The following ENTPD3 variants were observed in gnomAD, a reference collection of about 807,000 sequenced individuals.
ENTPD3 encodes the protein ectonucleoside triphosphate diphosphohydrolase 3, also known as CD39 antigen-like 3.
In ENTPD3, 60 loss-of-function variants were observed where a neutral mutation model predicts 51.2. The ratio of observed to expected loss-of-function variants is 1.17; its 90% CI spans 0.95 to 1.45. The LOEUF (loss-of-function observed/expected upper bound fraction) is 1.45. ENTPD3 is among the 40% of genes most tolerant of loss of function. The pLI is 0.00. For missense variants in ENTPD3, 593 were observed against 641.1 expected (o/e 0.93, Z 0.81); for synonymous variants, 221 against 238.4 (o/e 0.93, Z 0.67).
chr3:40,402,221 C>T (rs568881763), intron 4 of ENTPD3, among the ~76,000 whole-genome samples: 4 of 140,142 alleles, frequency 2.9e-5, no homozygotes, highest in South Asian at 2.4e-4. Flanking sequence ...TGGGTTCAAG[C>T]GATTCTCCTG....
chr3:40,399,093 A>C (rs1455073424), intron 3 of ENTPD3, among the ~76,000 whole-genome samples: 1 of 152,104 alleles, frequency 6.6e-6, no homozygotes, highest in East Asian at 1.9e-4. Context: ...GTGATGGTGC[A>C]CACCTGTAAT....
intron 9 of ENTPD3, 108 bp from the exon 10 acceptor site, chr3:40,423,718 T>C: frequency 7.9e-7 from 1 of 1,271,152 alleles, no homozygotes; most frequent in Non-Finnish European, 1.1e-6. Context: ...TATTTTCTAT[T>C]ATGAAATTAT....
chr3:40,409,609 G>A (rs937161798), intron 4 of ENTPD3, among the ~76,000 whole-genome samples: 1 of 152,166 alleles, frequency 6.6e-6, no homozygotes, highest in African/African-American at 2.4e-5. Context: ...GAAGATGGGT[G>A]GGAAAGGTTA....
In ENTPD3 at chr3:40,414,713, T is replaced by G. The variant is rs764552323; in HGVS notation, c.470T>G (p.Leu157Arg). Residue 157 changes from leucine to arginine, a missense_variant, in exon 6 of 11, where the codon CTT becomes CGT. By Grantham distance (102) the Leu-to-Arg change is moderately radical. Coordinates refer to ENST00000301825, the MANE Select transcript of ENTPD3 (RefSeq NM_001248.4). Reference protein sequence around the residue: ...LQNETAANEVLESIQSYFKSQ... With the variant: ...LQNETAANEVRESIQSYFKSQ... Reference sequence around the variant, plus strand: ...AATGAAACAGCAGCTAATGAAGTCCTTGAAAGCATCCAAAGCTACTTCAAG... The same window carrying G: ...AATGAAACAGCAGCTAATGAAGTCCGTGAAAGCATCCAAAGCTACTTCAAG... The G allele has an allele frequency of 2.5e-6, 4 of 1,614,114 alleles. No individual in the cohort carries two copies. The South Asian group carries it at 4.4e-5, about 18-fold the overall frequency.
Position 40,411,962 on chromosome 3 carries a change from G to C in ENTPD3, c.437G>C (p.Arg146Thr), listed in dbSNP as rs1441710119. Residue 146 changes from arginine to threonine, a missense_variant and splice_region_variant, in exon 5 of 11, where the codon AGG becomes ACG. Arg to Thr is a moderately conservative substitution (Grantham distance 71, BLOSUM62 -1). Coordinates refer to ENST00000301825, the MANE Select transcript of ENTPD3 (RefSeq NM_001248.4). ...LGATAGMRLL[R>T]LQNETAANEV... ...GCCACGGCTGGGATGCGCTTGCTGA[G>C]GTAAAGGCTAAGTGGCACAAAGGAG... The C allele has an allele frequency of 4.4e-6, 7 of 1,608,850 alleles. No homozygotes were observed. The highest frequency in any genetic ancestry group is 1.3e-5 in the African/African-American group (1 of 74,900).
At chr3:40,407,692 C>T (rs1955535614) in intron 4 of ENTPD3, among the ~76,000 whole-genome samples, 1 of 152,116 alleles carries the variant, frequency 6.6e-6, no homozygotes, top group Non-Finnish European at 1.5e-5. Flanking sequence ...GCCTTACACA[C>T]TCCAGTACTG....
In ENTPD3 at chr3:40,427,573, G is replaced by A; in HGVS notation, c.*65G>A. 8.0e-7 allele frequency: 1 copy of A among 1,247,796 alleles called. No homozygotes were observed. Among genetic ancestry groups the A allele is most frequent in the Non-Finnish European group, 1.2e-6 (1 of 853,242 alleles). 77.3% of individuals were successfully genotyped at this position (1,247,796 alleles called of 1,614,324 possible). A position where few individuals can be genotyped will look rare whatever the true frequency, so the allele number is the denominator to read the frequency against. ...GTCAGCCTGGGTGGCACCAGGCAAT[G>A]CAGGTGAAGTGGCTGCCTTCAGGAA... On this transcript the variant is annotated 3_prime_UTR_variant, in exon 11 of 11. Transcript: ENST00000301825.
rs1486185566 is a variant in ENTPD3 at position 40,428,501 on chromosome 3, C to T, written c.*993C>T. 6.6e-6 allele frequency: 1 copy of T among 152,136 alleles called. No homozygotes were observed. Among genetic ancestry groups the T allele is most frequent in the Non-Finnish European group, 1.5e-5 (1 of 68,036 alleles). The allele number at this position is 152,136 out of a possible 1,614,324, so 9.4% of individuals were successfully genotyped here. A position where few individuals can be genotyped will look rare whatever the true frequency, so the allele number is the denominator to read the frequency against. On this transcript the variant is annotated 3_prime_UTR_variant, in exon 11 of 11. Coordinates refer to ENST00000301825, the MANE Select transcript of ENTPD3 (RefSeq NM_001248.4). ...AAGGAAGCTGCAGGAATATTTATCT[C>T]CAAAGTCGAATGAGAAAGAACTCCA...
In ENTPD3 at chr3:40,414,701, C is replaced by A; in HGVS notation, c.458C>A (p.Ala153Asp). ...RLLRLQNETA[A>D]NEVLESIQSY... ...TACAGGTTGCAAAATGAAACAGCAG[C>A]TAATGAAGTCCTTGAAAGCATCCAA... Residue 153 changes from alanine to aspartate, a missense_variant, in exon 6 of 11, where the codon GCT (alanine) becomes GAT (aspartate). Transcript: ENST00000301825. 1 of 1,614,048 alleles carries A rather than the reference C, an allele frequency of 6.2e-7. No homozygotes were observed. Among genetic ancestry groups the A allele is most frequent in the Non-Finnish European group, 8.5e-7 (1 of 1,179,956 alleles).
chr3:40,416,712 G>T (rs1575228210), intron 7 of ENTPD3, among the ~76,000 whole-genome samples: 1 of 152,166 alleles, frequency 6.6e-6, no homozygotes, highest in East Asian at 1.9e-4. Flanking sequence ...TAACTCCACA[G>T]GTGAGACCCC....
intron 7 of ENTPD3, among the ~76,000 whole-genome samples, chr3:40,420,306 G>A (rs1447917137): frequency 6.7e-6 from 1 of 148,574 alleles, no homozygotes; most frequent in South Asian, 2.1e-4. Context: ...TGTGATCTTG[G>A]CTCACTGCAA....
chr3:40,425,806 G>A (rs1955969227), intron 10 of ENTPD3, among the ~76,000 whole-genome samples: 1 of 151,556 alleles, frequency 6.6e-6, no homozygotes, highest in Admixed American at 6.6e-5. Flanking sequence ...GCTGAGGCAG[G>A]AGAATTGCTT....
chr3:40,399,213 C>A (rs551907895), intron 3 of ENTPD3, among the ~76,000 whole-genome samples: 88 of 152,050 alleles, frequency 5.8e-4, no homozygotes, highest in African/African-American at 2.0e-3. Flanking sequence ...ATGTATATAT[C>A]CAGATACATA....
chr3:40,407,869 AT>A (rs1053135679), intron 4 of ENTPD3, among the ~76,000 whole-genome samples: 60 of 152,330 alleles, frequency 3.9e-4, no homozygotes, highest in African/African-American at 1.4e-3. Context: ...TCAGACAGAC[AT>A]GATATGCCCC....
chr3:40,404,824 G>A (rs904527582), intron 4 of ENTPD3, among the ~76,000 whole-genome samples: 3 of 152,124 alleles, frequency 2.0e-5, no homozygotes, highest in South Asian at 4.2e-4. Flanking sequence ...CAAACAGAAG[G>A]GGGTGATGAA....
Position 40,416,021 on chromosome 3 carries a change from A to G in ENTPD3, c.779A>G (p.Gln260Arg), listed in dbSNP as rs781278624. ...YVYTLYTHSF[Q>R]CYGRNEAEKK... ...TACACGCTCTACACACACAGCTTCC[A>G]GTGCTATGGCCGGAATGAGGCTGAG... Residue 260 changes from glutamine (Q) to arginine (R), a missense_variant, in exon 7 of 11, where the codon CAG becomes CGG. By Grantham distance (43) the Gln-to-Arg change is conservative. Coordinates refer to ENST00000301825, the MANE Select transcript of ENTPD3 (RefSeq NM_001248.4). The G allele has an allele frequency of 1.3e-5, 21 of 1,614,072 alleles. No homozygotes were observed. The East Asian group carries it at 3.3e-4, about 26-fold the overall frequency.
At chr3:40,399,235 T>C (rs1004216849) in intron 3 of ENTPD3, among the ~76,000 whole-genome samples, 6 of 152,138 alleles carry the variant, frequency 3.9e-5, no homozygotes, top group Non-Finnish European at 7.4e-5. Flanking sequence ...ATACATATAT[T>C]GTTAGAAAAG....
At chr3:40,423,177 C>T (rs938029294) in intron 8 of ENTPD3, 55 bp downstream of exon 8, 13 of 1,581,958 alleles carry the variant, frequency 8.2e-6, no homozygotes, top group Non-Finnish European at 1.1e-5. Context: ...TCATTTCTCA[C>T]TTTTCTGTTT....
intron 7 of ENTPD3, among the ~76,000 whole-genome samples, chr3:40,416,448 G>A (rs1397978246): frequency 6.6e-6 from 1 of 152,112 alleles, no homozygotes; most frequent in Non-Finnish European, 1.5e-5. Flanking sequence ...AATATTAGTG[G>A]TCACAAGAGA....
Sources: allele counts gnomAD v4.1 joint callset (sites outside exome capture counted in the v4.1 genomes callset), GRCh38; gene constraint gnomAD v4.1.1; transcripts MANE v1.5; gene names NCBI Gene and HGNC (gene_info 2026-07-23, HGNC 2026-07-21).